The following PCLO variants were observed in gnomAD, a reference collection of about 807,000 sequenced individuals.
PCLO encodes the protein piccolo presynaptic cytomatrix protein, also known as protein piccolo.
In PCLO, 82 loss-of-function variants were observed where a neutral mutation model predicts 427.5. That is an observed-to-expected ratio of 0.19 (90% confidence interval 0.16 to 0.23). The LOEUF (loss-of-function observed/expected upper bound fraction) is 0.23, where lower values mean the gene tolerates loss of function less well. PCLO is among the 10% of genes least tolerant of loss of function. The pLI is 1.00. For synonymous variants in PCLO, 2,357 were observed against 2,155.4 expected, an observed-to-expected ratio of 1.09 and a Z score of -2.59; for missense variants, 6,239 against 6,115.9, an observed-to-expected ratio of 1.02 and a Z score of -0.67.
At chr7:83,079,095 T>C (rs1372328901) in intron 3 of PCLO, among the ~76,000 whole-genome samples, 1 of 152,050 alleles carries the variant, frequency 6.6e-6, no homozygotes. Flanking sequence ...TGCACTACCA[T>C]TTGACATAAT....
chr7:83,097,456 A>G (rs1296407454), intron 3 of PCLO, among the ~76,000 whole-genome samples: 1 of 146,512 alleles, frequency 6.8e-6, no homozygotes, highest in South Asian at 2.1e-4. Context: ...CGGGAGGCGG[A>G]GCTTGCAGTG....
intron 6 of PCLO, among the ~76,000 whole-genome samples, chr7:82,946,157 A>T (rs1287219290): frequency 6.6e-6 from 1 of 152,226 alleles, no homozygotes; most frequent in Non-Finnish European, 1.5e-5. Context: ...ATTAACTTAG[A>T]TTATCAACAA....
chr7:82,933,123 C>A (rs182788887), intron 6 of PCLO, among the ~76,000 whole-genome samples: 1 of 152,110 alleles, frequency 6.6e-6, no homozygotes, highest in East Asian at 1.9e-4. Context: ...ACTTTAGAGC[C>A]AGCAGGACCC....
At chr7:83,146,397 G>A (rs1274572036) in intron 2 of PCLO, among the ~76,000 whole-genome samples, 1 of 151,968 alleles carries the variant, frequency 6.6e-6, no homozygotes, top group Non-Finnish European at 1.5e-5. Flanking sequence ...TTTATCTTCA[G>A]TGTAATAATA....
chr7:82,831,102 G>C (rs1040769597), intron 16 of PCLO, among the ~76,000 whole-genome samples: 1 of 151,966 alleles, frequency 6.6e-6, no homozygotes, highest in African/African-American at 2.4e-5. Context: ...CTCTGGTAAA[G>C]TTCTAAGTGC....
At chr7:82,945,770 G>C (rs1236624052) in intron 6 of PCLO, among the ~76,000 whole-genome samples, 1 of 152,110 alleles carries the variant, frequency 6.6e-6, no homozygotes, top group East Asian at 1.9e-4. Context: ...AATGAATAAG[G>C]TAATGAGTGA....
intron 8 of PCLO, among the ~76,000 whole-genome samples, chr7:82,905,439 C>G (rs1013318743): frequency 2.0e-5 from 3 of 151,920 alleles, no homozygotes; most frequent in African/African-American, 7.2e-5. Context: ...ATGCAGGAGA[C>G]AGAGTGCCTT....
In PCLO at chr7:82,914,927, A is replaced by G; in HGVS notation, c.13059T>C (p.Ile4353=). ...PISQSRGRIP[I]VAQNSEEESP... ...TTTCTTCTTCAGAATTCTGGGCCACAATTGGTATTCTTCCTCTACTTTGAC... is the reference window on the plus strand; with the variant it reads ...TTTCTTCTTCAGAATTCTGGGCCACGATTGGTATTCTTCCTCTACTTTGAC... Residue 4353 remains isoleucine (I), a synonymous_variant, in exon 7 of 25, where the codon ATT becomes ATC. Coordinates refer to ENST00000333891, the MANE Select transcript of PCLO (RefSeq NM_033026.6). The G allele has an allele frequency of 1.2e-6, 2 of 1,613,686 alleles. No individual in the cohort carries two copies. Among genetic ancestry groups the G allele is most frequent in the Non-Finnish European group, 1.7e-6 (2 of 1,179,734 alleles).
At chr7:82,813,399 T>C (rs1791613531) in intron 20 of PCLO, among the ~76,000 whole-genome samples, 2 of 151,734 alleles carry the variant, frequency 1.3e-5, no homozygotes, top group South Asian at 4.1e-4. Context: ...ATTGTACAGG[T>C]TATGATAGAA....
intron 22 of PCLO, among the ~76,000 whole-genome samples, chr7:82,769,142 G>A (rs1790593949): frequency 6.6e-6 from 1 of 152,028 alleles, no homozygotes; most frequent in South Asian, 2.1e-4. Flanking sequence ...GGGAATATTC[G>A]CTTTAAAACA....
At chr7:82,770,062 T>C (rs138236403) in intron 22 of PCLO, among the ~76,000 whole-genome samples, 2,349 of 152,200 alleles carry the variant, frequency 0.015, 19 homozygotes, top group Non-Finnish European at 0.025. Flanking sequence ...GTGATGTATA[T>C]TCCCACAAGT....
chr7:82,981,207 G>T (rs1232132544), intron 3 of PCLO, among the ~76,000 whole-genome samples: 1 of 151,548 alleles, frequency 6.6e-6, no homozygotes, highest in Non-Finnish European at 1.5e-5. Context: ...TTCTGGGGGT[G>T]GGAGGGACAT....
At chr7:83,119,782 A>C (rs1181951592) in intron 3 of PCLO, among the ~76,000 whole-genome samples, 1 of 151,568 alleles carries the variant, frequency 6.6e-6, no homozygotes, top group Non-Finnish European at 1.5e-5. Flanking sequence ...AAGCTTAACA[A>C]AATTCAAGAT....
At chr7:82,988,665 A>G (rs1467221007) in intron 3 of PCLO, among the ~76,000 whole-genome samples, 2 of 152,110 alleles carry the variant, frequency 1.3e-5, no homozygotes, top group African/African-American at 4.8e-5. Context: ...TTCTTCAATT[A>G]TGATACATGT....
intron 22 of PCLO, among the ~76,000 whole-genome samples, chr7:82,778,481 T>C (rs1790801512): frequency 6.6e-6 from 1 of 152,124 alleles, no homozygotes; most frequent in African/African-American, 2.4e-5. Context: ...TCATTGAATA[T>C]TGTTTTCTTT....
intron 2 of PCLO, among the ~76,000 whole-genome samples, chr7:83,138,441 T>C (rs112801181): frequency 0.032 from 4,916 of 152,138 alleles, 271 homozygotes; most frequent in African/African-American, 0.11. Context: ...TGGGCAGATC[T>C]CCTGAGGTCA....
intron 9 of PCLO, among the ~76,000 whole-genome samples, chr7:82,890,134 C>A (rs1352184237): frequency 6.6e-6 from 1 of 151,858 alleles, no homozygotes; most frequent in Non-Finnish European, 1.5e-5. Context: ...ATCCATTTAG[C>A]TACTACAAGC....
At chr7:82,922,731 TA>T (rs1794626653) in intron 6 of PCLO, among the ~76,000 whole-genome samples, 1 of 151,896 alleles carries the variant, frequency 6.6e-6, no homozygotes, top group Admixed American at 6.6e-5. Context: ...CCTCTGAACC[TA>T]AAATAGAAGT....
At chr7:83,114,751 G>A (rs906695836) in intron 3 of PCLO, among the ~76,000 whole-genome samples, 1 of 151,984 alleles carries the variant, frequency 6.6e-6, no homozygotes, top group Non-Finnish European at 1.5e-5. Flanking sequence ...GTCTTTAAAT[G>A]GTATACAATG....
Sources: gnomAD v4.1 joint callset for allele counts (sites outside exome capture counted in the v4.1 genomes callset) on GRCh38, gnomAD v4.1.1 for gene constraint, MANE v1.5 for transcripts, NCBI Gene and HGNC (gene_info 2026-07-23, HGNC 2026-07-21) for gene names.